The following IGSF11 variants were observed in gnomAD, a reference collection of about 807,000 sequenced individuals.
IGSF11 encodes immunoglobulin superfamily member 11.
IGSF11 carries 22 observed loss-of-function variants against 41.0 expected under a neutral mutation model. The observed-to-expected ratio is 0.54, with a 90% CI of 0.38 to 0.77. IGSF11 has a LOEUF of 0.77. Among genes scored for constraint, IGSF11 ranks in the 30% least tolerant of loss-of-function variants. The pLI, the probability that IGSF11 is intolerant of heterozygous loss-of-function variation, is 0.00. For missense variants in IGSF11, 444 were observed against 530.8 expected (o/e 0.84, Z 1.61); for synonymous variants, 219 against 201.3 (o/e 1.09, Z -0.74).
chr3:119,034,495 TG>T (rs757800125), intron 1 of IGSF11, 35 bp downstream of exon 1: 41 of 1,525,192 alleles, frequency 2.7e-5, no homozygotes, highest in Non-Finnish European at 3.2e-5. Context: ...CGACCCGGCC[TG>T]GCCCCACCGG....
intron 6 of IGSF11, 74 bp from the exon 7 acceptor site, chr3:118,903,035 C>T: frequency 2.9e-6 from 4 of 1,401,918 alleles, no homozygotes; most frequent in South Asian, 1.3e-5. Flanking sequence ...TGGAATCTTT[C>T]TTTTCATGTC....
chr3:119,097,957 ATTTTTTTTTTTT>A (rs377746200), intron 1 of IGSF11, among the ~76,000 whole-genome samples: 8 of 58,360 alleles, frequency 1.4e-4, no homozygotes, highest in South Asian at 1.1e-3. Flanking sequence ...CATTCAGCTA[ATTTTTTTTTTTT>A]TTTTTTTTTT....
At chr3:119,124,266 CTTTTTTTT>C (rs567233919) in intron 1 of IGSF11, among the ~76,000 whole-genome samples, 1 of 79,482 alleles carries the variant, frequency 1.3e-5, no homozygotes, top group South Asian at 6.0e-4. Flanking sequence ...ACATCAGAGC[CTTTTTTTT>C]TTTTTTTTTT....
chr3:118,964,915 T>C (rs774151195), intron 1 of IGSF11, among the ~76,000 whole-genome samples: 2 of 152,210 alleles, frequency 1.3e-5, no homozygotes, highest in African/African-American at 2.4e-5. Context: ...CCTTGACTTT[T>C]TTCCTAACCA....
upstream of IGSF11, among the ~76,000 whole-genome samples, chr3:119,039,789 T>G (rs1221475812): frequency 2.0e-5 from 3 of 152,186 alleles, no homozygotes; most frequent in Admixed American, 2.0e-4. Context: ...TCCTTTCACT[T>G]CTTAAGATCT....
At chr3:119,046,855 G>A in intron 1 of IGSF11, among the ~76,000 whole-genome samples, 1 of 148,762 alleles carries the variant, frequency 6.7e-6, no homozygotes, top group Admixed American at 6.7e-5. Flanking sequence ...CATTCTTAAA[G>A]AAAAGAATTT....
intron 1 of IGSF11, among the ~76,000 whole-genome samples, chr3:119,117,068 A>G (rs2077265890): frequency 6.6e-6 from 1 of 152,152 alleles, no homozygotes; most frequent in South Asian, 2.1e-4. Flanking sequence ...CATCTCGCAC[A>G]TAACATGTCC....
chr3:118,911,518 C>A (rs779995941), intron 4 of IGSF11, among the ~76,000 whole-genome samples: 14 of 151,942 alleles, frequency 9.2e-5, no homozygotes, highest in Non-Finnish European at 1.3e-4. Context: ...CATAGCAAGG[C>A]CCCATCAGGA....
In IGSF11 at chr3:118,901,501, C is replaced by T. The variant is rs1049776915; in HGVS notation, c.*1019G>A. ...TGTCAAATAAGGAGAAAGTTACATACCTCAGTACAAAAGGCATCAGGTGCT... is the reference window on the plus strand; with the variant it reads ...TGTCAAATAAGGAGAAAGTTACATATCTCAGTACAAAAGGCATCAGGTGCT... On this transcript the variant is annotated 3_prime_UTR_variant, in exon 7 of 7. Coordinates refer to ENST00000393775, the MANE Select transcript of IGSF11 (RefSeq NM_001015887.3). 6.6e-6 allele frequency: 1 copy of T among 152,152 alleles called. No homozygotes were observed. Among genetic ancestry groups the T allele is most frequent in the Admixed American group, 6.5e-5 (1 of 15,286 alleles). The allele number at this position is 152,152 out of a possible 1,614,324, so 9.4% of individuals were successfully genotyped here. A position where few individuals can be genotyped will look rare whatever the true frequency, so the allele number is the denominator to read the frequency against.
intron 4 of IGSF11, among the ~76,000 whole-genome samples, chr3:118,918,042 T>C (rs1941354098): frequency 1.4e-5 from 2 of 138,486 alleles, no homozygotes; most frequent in Admixed American, 1.4e-4. Context: ...AAAAAGCCTT[T>C]GACAAAATTC....
chr3:119,094,671 ATT>A (rs59894832), intron 1 of IGSF11, among the ~76,000 whole-genome samples: 89 of 137,442 alleles, frequency 6.5e-4, no homozygotes, highest in African/African-American at 1.5e-3. Context: ...GAGCAACTCT[ATT>A]TTTTTTTTTT....
At chr3:119,007,726 T>C (rs569030698) in intron 1 of IGSF11, among the ~76,000 whole-genome samples, 1 of 152,306 alleles carries the variant, frequency 6.6e-6, no homozygotes, top group African/African-American at 2.4e-5. Flanking sequence ...TCAATCATCC[T>C]ACAACTCGAC....
chr3:119,126,790 C>A (rs1259634608), intron 1 of IGSF11, among the ~76,000 whole-genome samples: 1 of 151,894 alleles, frequency 6.6e-6, no homozygotes, highest in Non-Finnish European at 1.5e-5. Flanking sequence ...AGGGACCTGA[C>A]TATTGAAAGA....
intron 1 of IGSF11, among the ~76,000 whole-genome samples, chr3:118,990,968 G>A (rs553530723): frequency 2.0e-4 from 31 of 152,250 alleles, no homozygotes; most frequent in Non-Finnish European, 4.1e-4. Flanking sequence ...AATGAAATCC[G>A]TTGAATCAAC....
intron 1 of IGSF11, among the ~76,000 whole-genome samples, chr3:118,963,797 A>G (rs1238045521): frequency 2.0e-5 from 3 of 152,176 alleles, no homozygotes; most frequent in Non-Finnish European, 2.9e-5. Flanking sequence ...CAGAGAATCA[A>G]TGTTTTTTTC....
chr3:119,014,443 A>G (rs1171733904), intron 1 of IGSF11, among the ~76,000 whole-genome samples: 1 of 152,246 alleles, frequency 6.6e-6, no homozygotes, highest in Non-Finnish European at 1.5e-5. Context: ...ATCTGTGTAC[A>G]TTCATGGGAC....
chr3:119,026,078 G>A (rs529258939), intron 1 of IGSF11, among the ~76,000 whole-genome samples: 6 of 152,108 alleles, frequency 3.9e-5, no homozygotes, highest in Non-Finnish European at 8.8e-5. Flanking sequence ...AGACCAGCCT[G>A]ACCAACATGG....
chr3:119,110,002 A>C (rs971412235), upstream of IGSF11, among the ~76,000 whole-genome samples: 5 of 152,126 alleles, frequency 3.3e-5, no homozygotes, highest in Non-Finnish European at 5.9e-5. Flanking sequence ...GGAGAGCTTT[A>C]CTTCCAACTA....
chr3:119,111,725 T>G (rs1164155989), intron 1 of IGSF11, among the ~76,000 whole-genome samples: 1 of 152,254 alleles, frequency 6.6e-6, no homozygotes, highest in Non-Finnish European at 1.5e-5. Flanking sequence ...TGTGGTTTTA[T>G]CTACTTTTGG....
Sources: gnomAD v4.1 joint callset for allele counts (sites outside exome capture counted in the v4.1 genomes callset) on GRCh38, gnomAD v4.1.1 for gene constraint, MANE v1.5 for transcripts, NCBI Gene and HGNC (gene_info 2026-07-23, HGNC 2026-07-21) for gene names.